The following ABCD2 variants were observed in gnomAD, a reference collection of about 807,000 sequenced individuals.
The protein encoded by ABCD2 is ATP binding cassette subfamily D member 2.
In ABCD2, 36 loss-of-function variants were observed where a neutral mutation model predicts 70.9. That is an observed-to-expected ratio of 0.51 (90% CI 0.39 to 0.67). The LOEUF (loss-of-function observed/expected upper bound fraction) is 0.67, where lower values mean the gene tolerates loss of function less well. Among genes scored for constraint, ABCD2 ranks in the 30% least tolerant of loss-of-function variants. The pLI is 0.00. For missense variants in ABCD2, 729 were observed against 890.2 expected, an observed-to-expected ratio of 0.82 and a Z score of 2.30; for synonymous variants, 304 against 306.9, an observed-to-expected ratio of 0.99 and a Z score of 0.10.
At chr12:39,573,965 G>C in intron 8 of ABCD2, 124 bp from the exon 9 acceptor site, 1 of 905,458 alleles carries the variant, frequency 1.1e-6, no homozygotes. Flanking sequence ...CATTATTAAA[G>C]GCAATAAATG....
At chr12:39,562,429 T>A (rs1941273714) in intron 9 of ABCD2, among the ~76,000 whole-genome samples, 1 of 151,428 alleles carries the variant, frequency 6.6e-6, no homozygotes, top group Non-Finnish European at 1.5e-5. Flanking sequence ...ATAACCAAAT[T>A]TGACAAATGT....
Position 39,593,187 on chromosome 12 carries a change from T to A in ABCD2, c.1647-6890A>T, listed in dbSNP as rs1283292303. Among the ~76,000 whole-genome samples, 6 of 152,216 alleles carry A rather than the reference T, an allele frequency of 3.9e-5. 1 individual carries two copies. Among genetic ancestry groups the A allele is most frequent in the Non-Finnish European group, 7.3e-5 (5 of 68,030 alleles). ...ATCCCTACAAAGAAGAAATCTTAGA[T>A]TTGGAAGTCATTCATATAGAAACAA... On this transcript the variant is annotated intron_variant, in intron 6 of 9. Transcript: ENST00000308666.
At chr12:39,556,415 A>G (rs1451967748) in intron 9 of ABCD2, among the ~76,000 whole-genome samples, 2 of 152,112 alleles carry the variant, frequency 1.3e-5, no homozygotes, top group Non-Finnish European at 2.9e-5. Context: ...TGTTCTCATA[A>G]TAATGAGTGA....
At chr12:39,605,838 A>G (rs936773030) in intron 3 of ABCD2, among the ~76,000 whole-genome samples, 2 of 145,810 alleles carry the variant, frequency 1.4e-5, no homozygotes, top group Non-Finnish European at 3.1e-5. Context: ...GAAAAATACA[A>G]CAATGCTGAC....
At position 39,607,709 on chromosome 12, in the gene ABCD2, C is replaced by T. The variant is rs529162529; in HGVS notation, c.1126G>A (p.Gly376Ser). ...TCACTAACCATAACTTGCTTTTGGC[C>T]ATCCTCTAGATATAAAAACAAATTA... The part of the protein sequence containing the change: ...TATGFADGED[G>S]QKQVMVSERT... Residue 376 changes from glycine to serine, a missense_variant, in exon 3 of 10, where the codon GGC (glycine) becomes AGC (serine). Physicochemically the swap from Gly to Ser is moderately conservative, Grantham distance 56. Around this residue, in one of 3 missense-constraint regions of ABCD2, gnomAD observed 195 missense variants for 300.2 expected, o/e 0.65. Transcript: ENST00000308666. 2 of 1,600,986 alleles carry T rather than the reference C, an allele frequency of 1.2e-6. No homozygotes were observed. The highest frequency in any genetic ancestry group is 2.3e-5 in the South Asian group (2 of 88,142).
chr12:39,546,694 G>A (rs1566517059), downstream of ABCD2, among the ~76,000 whole-genome samples: 1 of 152,068 alleles, frequency 6.6e-6, no homozygotes, highest in African/African-American at 2.4e-5. Context: ...TATGATAAAT[G>A]TAATGGTAAG....
Position 39,579,554 on chromosome 12 carries a change from C to T in ABCD2, c.1858G>A (p.Ala620Thr). 1.2e-6 allele frequency: 2 copies of T among 1,613,054 alleles called. No individual in the cohort carries two copies. The highest frequency in any genetic ancestry group is 1.7e-6 in the Non-Finnish European group (2 of 1,179,276). The change falls in exon 8 of 10, where the codon GCT (alanine) becomes ACT (threonine). Residue 620 changes from alanine (A) to threonine (T), a missense_variant. By Grantham distance (58) the Ala-to-Thr change is moderately conservative (BLOSUM62 0). Transcript: ENST00000308666. ...SGGEKQRMGMARMFYHKPKYA... is the reference protein window; with the variant it reads ...SGGEKQRMGMTRMFYHKPKYA... ...ACTTACTTATGATAAAACATACGAG[C>T]CATGCCCATTCTTTGCTTTTCCCCT...
Position 39,604,993 on chromosome 12 carries a change from A to T in ABCD2, c.1237-63T>A, listed in dbSNP as rs1039883229. 360 of 1,282,658 alleles carry T rather than the reference A, an allele frequency of 2.8e-4. 3 individuals are homozygous for T. The highest frequency in any genetic ancestry group is 2.5e-4 in the Middle Eastern group (1 of 3,996). 79.5% of individuals were successfully genotyped at this position (1,282,658 alleles called of 1,614,324 possible). A position where few individuals can be genotyped will look rare whatever the true frequency, so the allele number is the denominator to read the frequency against. ...ATCCAAGACAATATTTTAAATAAAT[A>T]TGTAATCAGATAAGCTTCTTGACTT... is the stretch of plus-strand genomic sequence containing the variant. On this transcript the variant is annotated intron_variant, in intron 3 of 9. Coordinates refer to ENST00000308666, the MANE Select transcript of ABCD2 (RefSeq NM_005164.4).
At chr12:39,592,389 A>T (rs1941758380) in intron 6 of ABCD2, among the ~76,000 whole-genome samples, 1 of 152,244 alleles carries the variant, frequency 6.6e-6, no homozygotes, top group African/African-American at 2.4e-5. Flanking sequence ...TTGGCAGTAG[A>T]AACCAAATCT....
chr12:39,554,352 T>C (rs976962104), intron 9 of ABCD2, among the ~76,000 whole-genome samples: 2 of 152,160 alleles, frequency 1.3e-5, no homozygotes, highest in African/African-American at 4.8e-5. Flanking sequence ...TTTTTCATAT[T>C]CTGGATGTAT....
At chr12:39,603,849 A>C in intron 5 of ABCD2, 63 bp downstream of exon 5, 2 of 1,244,080 alleles carry the variant, frequency 1.6e-6, no homozygotes, top group Non-Finnish European at 2.3e-6. Flanking sequence ...AGGTACATGA[A>C]TTCTGAGTTG....
At chr12:39,604,270 A>G (rs1325199364) in intron 4 of ABCD2, among the ~76,000 whole-genome samples, 1 of 152,064 alleles carries the variant, frequency 6.6e-6, no homozygotes, top group Non-Finnish European at 1.5e-5. Flanking sequence ...TACAATAGCA[A>G]AGCTATACAA....
chr12:39,576,935 T>C (rs1266078530), intron 8 of ABCD2, among the ~76,000 whole-genome samples: 2 of 152,152 alleles, frequency 1.3e-5, no homozygotes, highest in Non-Finnish European at 2.9e-5. Context: ...CCTGGTTAAC[T>C]ATTATATAGT....
intron 8 of ABCD2, among the ~76,000 whole-genome samples, chr12:39,574,988 A>G (rs908799155): frequency 1.3e-5 from 2 of 152,178 alleles, no homozygotes; most frequent in Non-Finnish European, 2.9e-5. Context: ...GACAACATCA[A>G]CAGAAGTAGT....
intron 9 of ABCD2, among the ~76,000 whole-genome samples, chr12:39,572,645 C>A (rs1158727728): frequency 6.6e-6 from 1 of 152,116 alleles, no homozygotes; most frequent in East Asian, 1.9e-4. Flanking sequence ...TGTAAACATT[C>A]TTTATAAGGT....
At chr12:39,575,129 A>G (rs1206678466) in intron 8 of ABCD2, among the ~76,000 whole-genome samples, 2 of 152,224 alleles carry the variant, frequency 1.3e-5, no homozygotes, top group African/African-American at 4.8e-5. Context: ...AAGGAAGTAT[A>G]AAAGTGAAAG....
At chr12:39,599,394 CAG>C (rs764925591) in intron 6 of ABCD2, among the ~76,000 whole-genome samples, 1 of 152,168 alleles carries the variant, frequency 6.6e-6, no homozygotes, top group Non-Finnish European at 1.5e-5. Flanking sequence ...ATGTCTAAAA[CAG>C]AAACTTTTGG....
intron 9 of ABCD2, among the ~76,000 whole-genome samples, chr12:39,566,553 G>A (rs925262773): frequency 1.5e-4 from 23 of 151,826 alleles, no homozygotes; most frequent in African/African-American, 3.6e-4. Flanking sequence ...GCGGTCTATC[G>A]ATTTTGTTGA....
chr12:39,569,691 C>T (rs1193272014), intron 9 of ABCD2, among the ~76,000 whole-genome samples: 1 of 152,048 alleles, frequency 6.6e-6, no homozygotes, highest in Non-Finnish European at 1.5e-5. Flanking sequence ...GTTGGAAATG[C>T]AAAAAACACC....
Sources: gnomAD v4.1 joint callset for allele counts (sites outside exome capture counted in the v4.1 genomes callset) on GRCh38, gnomAD v4.1.1 for gene constraint, gnomAD v4.1.1 regional missense constraint, MANE v1.5 for transcripts, NCBI Gene and HGNC (gene_info 2026-07-23, HGNC 2026-07-21) for gene names.